Variants in BCAR3 observed in about 807,000 individuals in gnomAD.
BCAR3 encodes the protein breast cancer anti-estrogen resistance protein 3.
A neutral mutation model predicts 80.1 loss-of-function variants in BCAR3; 37 were observed. The ratio of observed to expected loss-of-function variants is 0.46; its 90% CI spans 0.36 to 0.61. BCAR3 has a LOEUF of 0.61. Ranked by LOEUF, BCAR3 falls within the 20% of genes least tolerant of loss-of-function variation. The probability of loss-of-function intolerance (pLI) is 0.00; values close to 1 mark genes in which losing one functional copy is unlikely to be tolerated. For synonymous variants in BCAR3, 389 were observed against 418.9 expected (o/e 0.93, Z 0.87); for missense variants, 978 against 1,068.2 (o/e 0.92, Z 1.18).
intron 2 of BCAR3, among the ~76,000 whole-genome samples, chr1:93,672,939 A>T (rs1446889854): frequency 6.6e-6 from 1 of 152,190 alleles, no homozygotes; most frequent in Non-Finnish European, 1.5e-5. Flanking sequence ...TCAATGTGCT[A>T]CACTCCAGCC....
At chr1:93,846,835 G>A (rs764499853) in intron 1 of BCAR3, 7 of 473,736 alleles carry the variant, frequency 1.5e-5, no homozygotes, top group Non-Finnish European at 3.0e-5. Flanking sequence ...GGCGCGGGGC[G>A]CGTCGCCCCC....
At chr1:93,821,079 G>A (rs57729501) in intron 2 of BCAR3, among the ~76,000 whole-genome samples, 4,496 of 152,204 alleles carry the variant, frequency 0.03, 250 homozygotes, top group African/African-American at 0.1. Context: ...AGGAACTGGG[G>A]CAGAGACCAA....
chr1:93,651,440 G>T (rs1165185619), intron 2 of BCAR3, among the ~76,000 whole-genome samples: 2 of 152,206 alleles, frequency 1.3e-5, no homozygotes, highest in Admixed American at 1.3e-4. Context: ...AGCAGAGACT[G>T]TATCTATCTT....
intron 2 of BCAR3, among the ~76,000 whole-genome samples, chr1:93,807,756 AATT>A (rs1209187554): frequency 1.3e-5 from 2 of 152,242 alleles, no homozygotes; most frequent in African/African-American, 4.8e-5. Flanking sequence ...CAGATAAGAA[AATT>A]CCAGTGGTTC....
chr1:93,774,682 A>T (rs867406649), intron 2 of BCAR3, among the ~76,000 whole-genome samples: 1 of 152,154 alleles, frequency 6.6e-6, no homozygotes, highest in Non-Finnish European at 1.5e-5. Flanking sequence ...CATTCAGGAG[A>T]TCGTATGGCA....
chr1:93,768,269 TTGTGTGTGTGTGTG>T (rs112490025), intron 2 of BCAR3, among the ~76,000 whole-genome samples: 1 of 126,736 alleles, frequency 7.9e-6, no homozygotes, highest in Non-Finnish European at 1.7e-5. Flanking sequence ...GTGTGTGTGT[TTGTGTGTGTGTGTG>T]TGTGTGTACA....
At chr1:93,733,682 G>A (rs185611144) in intron 2 of BCAR3, among the ~76,000 whole-genome samples, 9 of 152,266 alleles carry the variant, frequency 5.9e-5, no homozygotes, top group East Asian at 3.9e-4. Context: ...GTGTGCACAC[G>A]CATGCACCTG....
intron 2 of BCAR3, among the ~76,000 whole-genome samples, chr1:93,825,990 T>A (rs1207335853): frequency 6.6e-6 from 1 of 152,220 alleles, no homozygotes; most frequent in African/African-American, 2.4e-5. Flanking sequence ...AAGAAAATTC[T>A]CTAACTCTTG....
intron 2 of BCAR3, among the ~76,000 whole-genome samples, chr1:93,814,361 G>A (rs1440953922): frequency 6.6e-6 from 1 of 152,188 alleles, no homozygotes; most frequent in Non-Finnish European, 1.5e-5. Flanking sequence ...CAGCCTTATT[G>A]AACCTCAATT....
intron 3 of BCAR3, among the ~76,000 whole-genome samples, chr1:93,696,101 C>G (rs1349088716): frequency 2.6e-5 from 4 of 151,306 alleles, no homozygotes; most frequent in Non-Finnish European, 4.4e-5. Flanking sequence ...AGTGCAGTGG[C>G]AAAATCAAAG....
intron 2 of BCAR3, among the ~76,000 whole-genome samples, chr1:93,776,075 T>A (rs574297907): frequency 1.3e-5 from 2 of 152,298 alleles, no homozygotes; most frequent in South Asian, 4.2e-4. Flanking sequence ...GTGAATAAGT[T>A]TGAAAAGAGA....
At chr1:93,644,679 T>C (rs1676098706) in intron 2 of BCAR3, among the ~76,000 whole-genome samples, 3 of 152,126 alleles carry the variant, frequency 2.0e-5, no homozygotes, top group Non-Finnish European at 4.4e-5. Context: ...TCATTGACAA[T>C]AATTTGATGC....
At chr1:93,782,770 A>G (rs1214611213) in intron 2 of BCAR3, among the ~76,000 whole-genome samples, 1 of 152,190 alleles carries the variant, frequency 6.6e-6, no homozygotes, top group African/African-American at 2.4e-5. Flanking sequence ...TTAAATAATG[A>G]CCCTAAATCA....
intron 3 of BCAR3, chr1:93,605,423 A>G (rs568101562): frequency 9.9e-5 from 15 of 152,252 alleles, no homozygotes; most frequent in Non-Finnish European, 1.8e-4. Flanking sequence ...ACTTGGGTTA[A>G]AAGAAACAAT....
At chr1:93,618,155 T>C (rs1330788822) in intron 3 of BCAR3, among the ~76,000 whole-genome samples, 1 of 152,252 alleles carries the variant, frequency 6.6e-6, no homozygotes, top group Non-Finnish European at 1.5e-5. Flanking sequence ...GCAAATCTGA[T>C]TGATTTCTTG....
intron 2 of BCAR3, among the ~76,000 whole-genome samples, chr1:93,662,897 T>C (rs1190148008): frequency 6.6e-6 from 1 of 151,684 alleles, no homozygotes; most frequent in Non-Finnish European, 1.5e-5. Flanking sequence ...TCTCTCTAAA[T>C]CCTTTTTTAA....
chr1:93,822,440 T>G (rs11165009), intron 2 of BCAR3, among the ~76,000 whole-genome samples: 21,757 of 151,676 alleles, frequency 0.14, 2,566 homozygotes, highest in African/African-American at 0.31. Flanking sequence ...CCCAGGTTCA[T>G]GCGATTCTCT....
At chr1:93,777,800 T>C (rs1020298832) in intron 2 of BCAR3, among the ~76,000 whole-genome samples, 1 of 152,228 alleles carries the variant, frequency 6.6e-6, no homozygotes, top group Non-Finnish European at 1.5e-5. Flanking sequence ...TTGGTTACCC[T>C]GAGGTTCAAT....
rs772240020 is a variant in BCAR3, at chr1:93,592,343, C to T, written c.408G>A (p.Lys136=). 5.0e-6 allele frequency: 8 copies of T among 1,609,548 alleles called. No homozygotes were observed. The highest frequency in any genetic ancestry group is 4.0e-5 in the African/African-American group (3 of 74,894). Reference sequence around the variant, plus strand: ...TCAGGAGCAGCTCCTCCTCCAGCTCCTTCTTCAGTTTCTCGGGGGTCCTGT... The same window carrying T: ...TCAGGAGCAGCTCCTCCTCCAGCTCTTTCTTCAGTTTCTCGGGGGTCCTGT... ...IMDRTPEKLK[K]ELEEELLLSS... The change falls in exon 4 of 12, where the codon AAG becomes AAA. Residue 136 remains lysine (K), a synonymous_variant. Transcript: ENST00000260502. This position sits in a 1 kb window ranked among gnomAD's most constrained non-coding sequence, Gnocchi z 4.8.
Sources: gnomAD v4.1 joint callset for allele counts (sites outside exome capture counted in the v4.1 genomes callset) on GRCh38, gnomAD v4.1.1 for gene constraint, Gnocchi (gnomAD v3.1) non-coding constraint, MANE v1.5 for transcripts, NCBI Gene and HGNC (gene_info 2026-07-23, HGNC 2026-07-21) for gene names.